Variants in PARD3B observed in about 807,000 individuals in gnomAD.
The protein encoded by PARD3B is partitioning defective 3 homolog B.
PARD3B carries 103 observed loss-of-function variants against 130.2 expected under a neutral mutation model. The ratio of observed to expected loss-of-function variants is 0.79; its 90% CI spans 0.67 to 0.93. The LOEUF (loss-of-function observed/expected upper bound fraction) is 0.93, where lower values mean the gene tolerates loss of function less well. Among genes scored for constraint, PARD3B ranks in the 40% least tolerant of loss-of-function variants. PARD3B has a pLI of 0.00. For synonymous variants in PARD3B, 583 were observed against 553.2 expected (o/e 1.05, Z -0.76); for missense variants, 1,609 against 1,499.2 (o/e 1.07, Z -1.21).
intron 2 of PARD3B, among the ~76,000 whole-genome samples, chr2:204,733,294 T>A (rs1168503605): frequency 6.6e-6 from 1 of 152,060 alleles, no homozygotes; most frequent in Non-Finnish European, 1.5e-5. Context: ...AGGGATAAAT[T>A]TGACAAAATA....
chr2:204,871,578 A>G (rs1301808271), intron 2 of PARD3B, among the ~76,000 whole-genome samples: 1 of 152,162 alleles, frequency 6.6e-6, no homozygotes, highest in Non-Finnish European at 1.5e-5. Flanking sequence ...AATAATAATG[A>G]TATGAATGAT....
Position 204,888,730 on chromosome 2 carries a change from CAA to C in PARD3B, c.223-76403_223-76402del, listed in dbSNP as rs11315348. On this transcript the variant is annotated intron_variant, in intron 2 of 22. Coordinates refer to ENST00000406610, the MANE Select transcript of PARD3B (RefSeq NM_001302769.2). ...TGGGCAACAGAATGAGACCCTGTCT[CAA>C]AAAAAAAAAAAAAAAAAATGTATGG... is the stretch of plus-strand genomic sequence containing the variant. Among the ~76,000 whole-genome samples the C allele has an allele frequency of 2.4e-3, 195 of 81,346 alleles. 1 individual carries two copies. The highest frequency in any genetic ancestry group is 4.6e-3 in the African/African-American group (122 of 26,272). 53.4% of individuals were successfully genotyped at this position (81,346 alleles called of 152,430 possible).
At position 205,145,692 on chromosome 2, in the gene PARD3B, G is replaced by A. The variant is rs78139527; in HGVS notation, c.1435-13030G>A. 1.2e-4 allele frequency among the ~76,000 whole-genome samples: 18 copies of A among 152,116 alleles called. No individual in the cohort carries two copies. In the East Asian group the frequency reaches 2.5e-3, roughly 21 times the overall value. On this transcript the variant is annotated intron_variant, in intron 10 of 22. Coordinates refer to ENST00000406610, the MANE Select transcript of PARD3B (RefSeq NM_001302769.2). ...GCACCATTGCTTTAAGTGTATGCTA[G>A]GGAAAATTTCTACGGCATGCTCCGT...
intron 1 of PARD3B, among the ~76,000 whole-genome samples, chr2:204,568,339 TA>T (rs1267018707): frequency 1.3e-5 from 2 of 152,136 alleles, no homozygotes; most frequent in Admixed American, 1.3e-4. Flanking sequence ...TATTTAACAA[TA>T]ACAGAAAAAG....
intron 3 of PARD3B, among the ~76,000 whole-genome samples, chr2:204,984,411 T>C (rs1692948655): frequency 6.6e-6 from 1 of 152,122 alleles, no homozygotes. Context: ...TAAAATGGGG[T>C]AACACACAAG....
rs552524571 is a variant in PARD3B, at chr2:204,669,901, G to T, written c.121-16280G>T. On this transcript the variant is annotated intron_variant, in intron 1 of 22. Coordinates refer to ENST00000406610, the MANE Select transcript of PARD3B (RefSeq NM_001302769.2). This position sits in a 1 kb window ranked among gnomAD's most constrained non-coding sequence, Gnocchi z 4.3. ...ATTAAAGATAAAGGTAACCACTAAA[G>T]GGAATAAAAATATTTGAATAACTCT... 1.3e-5 allele frequency among the ~76,000 whole-genome samples: 2 copies of T among 152,206 alleles called. No homozygotes were observed. The highest frequency in any genetic ancestry group is 3.9e-4 in the East Asian group (2 of 5,182).
intron 2 of PARD3B, among the ~76,000 whole-genome samples, chr2:204,929,536 T>C (rs1358224180): frequency 6.6e-6 from 1 of 152,174 alleles, no homozygotes; most frequent in Non-Finnish European, 1.5e-5. Context: ...CTTCCATGCT[T>C]AAATTTTTAT....
intron 2 of PARD3B, among the ~76,000 whole-genome samples, chr2:204,711,979 A>G (rs2038461008): frequency 6.6e-6 from 1 of 152,226 alleles, no homozygotes; most frequent in African/African-American, 2.4e-5. Flanking sequence ...GAATCCAGGC[A>G]TGTAGCACTA....
chr2:204,952,048 TG>T (rs1322015278), intron 2 of PARD3B, among the ~76,000 whole-genome samples: 1 of 152,172 alleles, frequency 6.6e-6, no homozygotes, highest in Non-Finnish European at 1.5e-5. Context: ...TTATTTTTTC[TG>T]GGGAATAAAA....
intron 2 of PARD3B, among the ~76,000 whole-genome samples, chr2:204,843,719 G>A (rs1449937931): frequency 1.3e-5 from 2 of 152,166 alleles, no homozygotes; most frequent in Admixed American, 6.5e-5. Context: ...TTTAAAGCCA[G>A]AGAAGCAGGT....
In PARD3B at chr2:204,894,425, A is replaced by T. The variant is rs533761428; in HGVS notation, c.223-70727A>T. ...ATATTAACAAAACATGAAAGATATT[A>T]TAGTGACAGGCATTTTTACTTTTTT... is the stretch of plus-strand genomic sequence containing the variant. On this transcript the variant is annotated intron_variant, in intron 2 of 22. Coordinates refer to ENST00000406610, the MANE Select transcript of PARD3B (RefSeq NM_001302769.2). Among the ~76,000 whole-genome samples, 28 of 152,110 alleles carry T rather than the reference A, an allele frequency of 1.8e-4. No individual in the cohort carries two copies. In the South Asian group the frequency reaches 5.6e-3, roughly 30 times the overall value.
intron 4 of PARD3B, among the ~76,000 whole-genome samples, chr2:205,100,453 CTG>C (rs1301195516): frequency 6.6e-6 from 1 of 151,528 alleles, no homozygotes; most frequent in Non-Finnish European, 1.5e-5. Context: ...AAAAACCCAA[CTG>C]TTTTTTTTTT....
intron 2 of PARD3B, among the ~76,000 whole-genome samples, chr2:204,956,274 C>A (rs1690229500): frequency 6.6e-6 from 1 of 152,104 alleles, no homozygotes; most frequent in African/African-American, 2.4e-5. Flanking sequence ...TCTATCTTTG[C>A]TTTGGCTAGA....
rs369038539 is a variant in PARD3B, at chr2:205,021,422, A to T, written c.395-26159A>T. 2.0e-5 allele frequency among the ~76,000 whole-genome samples: 3 copies of T among 152,292 alleles called. No homozygotes were observed. The South Asian group carries it at 6.2e-4, about 32-fold the overall frequency. On this transcript the variant is annotated intron_variant, in intron 3 of 22. Coordinates refer to ENST00000406610, the MANE Select transcript of PARD3B (RefSeq NM_001302769.2). This position sits in a 1 kb window ranked among gnomAD's most constrained non-coding sequence, Gnocchi z 4.5. The stretch of plus-strand genomic sequence containing the variant: ...TGGGCATGCATTGGGACCACAGGTT[A>T]TGGTGGCTCACATTTTAGGATTGAC...
intron 21 of PARD3B, among the ~76,000 whole-genome samples, chr2:205,552,272 G>A (rs1030695652): frequency 2.7e-5 from 4 of 149,006 alleles, no homozygotes; most frequent in Admixed American, 6.8e-5. Context: ...ACTTATGGGT[G>A]GCCATTCGTA....
chr2:205,059,204 A>G (rs1699916959), intron 4 of PARD3B, among the ~76,000 whole-genome samples: 1 of 151,938 alleles, frequency 6.6e-6, no homozygotes, highest in Non-Finnish European at 1.5e-5. Context: ...CCCCCATTGA[A>G]TGGTCTTGGC....
At chr2:205,256,180 ATGT>A (rs1202760898) in intron 16 of PARD3B, among the ~76,000 whole-genome samples, 1 of 109,956 alleles carries the variant, frequency 9.1e-6, no homozygotes, top group Non-Finnish European at 2.1e-5. Context: ...CCCTCTCAGG[ATGT>A]TTTTTTTAAA....
At chr2:205,409,075 T>A (rs982507722) in intron 19 of PARD3B, among the ~76,000 whole-genome samples, 1 of 152,206 alleles carries the variant, frequency 6.6e-6, no homozygotes, top group African/African-American at 2.4e-5. Context: ...ATGGAAGTTA[T>A]GAAAAATCTT....
rs1696057848 is a variant in PARD3B at position 205,015,349 on chromosome 2, C to A, written c.395-32232C>A. ...AGGAAGAGAAGGGGTTGGTCTTGCT[C>A]TCTCAGGGGTGGCAGAGGTGAAAGA... On this transcript the variant is annotated intron_variant, in intron 3 of 22. Coordinates refer to ENST00000406610, the MANE Select transcript of PARD3B (RefSeq NM_001302769.2). This position sits in a 1 kb window ranked among gnomAD's most constrained non-coding sequence, Gnocchi z 4.5. Among the ~76,000 whole-genome samples the A allele has an allele frequency of 6.6e-6, 1 of 152,124 alleles. No homozygotes were observed. Among genetic ancestry groups the A allele is most frequent in the Non-Finnish European group, 1.5e-5 (1 of 68,010 alleles).
Sources: allele counts gnomAD v4.1 joint callset (sites outside exome capture counted in the v4.1 genomes callset), GRCh38; gene constraint gnomAD v4.1.1; non-coding constraint Gnocchi (gnomAD v3.1); transcripts MANE v1.5; gene names NCBI Gene and HGNC (gene_info 2026-07-23, HGNC 2026-07-21).